Variants in SPATA7 observed in about 807,000 individuals in gnomAD.
SPATA7 encodes spermatogenesis-associated protein 7.
A neutral mutation model predicts 51.8 loss-of-function variants in SPATA7; 43 were observed. The observed-to-expected ratio is 0.83, with a 90% CI of 0.65 to 1.07. The LOEUF (loss-of-function observed/expected upper bound fraction) is 1.07. SPATA7 is among the 50% of genes least tolerant of loss of function. SPATA7 has a pLI of 0.00. For missense variants in SPATA7, 683 were observed against 701.3 expected (o/e 0.97, Z 0.30); for synonymous variants, 230 against 252.8 (o/e 0.91, Z 0.86).
chr14:88,424,349 T>C (rs912344262), intron 5 of SPATA7, among the ~76,000 whole-genome samples: 3 of 152,204 alleles, frequency 2.0e-5, no homozygotes, highest in Admixed American at 1.3e-4. Context: ...GTAGAAATTA[T>C]AAGATACAAA....
At chr14:88,463,472 C>T (rs748794290) in intron 4 of SPATA7, among the ~76,000 whole-genome samples, 1 of 152,166 alleles carries the variant, frequency 6.6e-6, no homozygotes, top group Non-Finnish European at 1.5e-5. Context: ...TATTTATTCT[C>T]TGATCTCACC....
intron 4 of SPATA7, chr14:88,468,839 C>T (rs1165019128): frequency 1.9e-6 from 3 of 1,573,816 alleles, no homozygotes; most frequent in Admixed American, 1.7e-5. Context: ...GCAAAAAGAG[C>T]TATTAAGTCA....
At chr14:88,401,221 A>G (rs918263044) in intron 4 of SPATA7, among the ~76,000 whole-genome samples, 1 of 152,236 alleles carries the variant, frequency 6.6e-6, no homozygotes, top group Admixed American at 6.5e-5. Flanking sequence ...GTGATATACC[A>G]CAGTAACATA....
chr14:88,454,765 G>GC (rs1158417966), intron 3 of SPATA7, among the ~76,000 whole-genome samples: 2 of 151,792 alleles, frequency 1.3e-5, no homozygotes, highest in African/African-American at 2.4e-5. Context: ...TTGTGATCAG[G>GC]CCACTTCACT....
At chr14:88,446,764 G>A (rs1310523997) in intron 3 of SPATA7, among the ~76,000 whole-genome samples, 2 of 152,146 alleles carry the variant, frequency 1.3e-5, no homozygotes, top group Admixed American at 6.5e-5. Flanking sequence ...TCAGGAGCAG[G>A]TTGTTCAGTT....
At chr14:88,402,976 A>AAC (rs1160333201) in intron 4 of SPATA7, among the ~76,000 whole-genome samples, 3 of 151,040 alleles carry the variant, frequency 2.0e-5, no homozygotes, top group Non-Finnish European at 4.4e-5. Flanking sequence ...AAAAAAAAAA[A>AAC]AAAAAAACCC....
At chr14:88,429,320 A>ACC (rs754930392) in intron 7 of SPATA7, 28 bp from the exon 8 acceptor site, 1 of 1,393,744 alleles carries the variant, frequency 7.2e-7, no homozygotes, top group Non-Finnish European at 1.0e-6. Context: ...TTAAGCAAAA[A>ACC]TAAATATTTT....
downstream of SPATA7, among the ~76,000 whole-genome samples, chr14:88,441,497 C>A (rs1015217486): frequency 2.6e-5 from 4 of 152,136 alleles, no homozygotes; most frequent in Non-Finnish European, 4.4e-5. Flanking sequence ...TCACCACATC[C>A]ACACCAATAT....
intron 4 of SPATA7, among the ~76,000 whole-genome samples, chr14:88,396,486 A>G (rs932986848): frequency 2.0e-5 from 3 of 152,070 alleles, no homozygotes; most frequent in Non-Finnish European, 2.9e-5. Flanking sequence ...TACTATCTCT[A>G]TGAATCTATT....
rs1277870379 is a variant in SPATA7 at position 88,469,750 on chromosome 14, T to A, written c.255-97T>A. The A allele has an allele frequency of 2.5e-6, 4 of 1,612,910 alleles. No individual in the cohort carries two copies. Among genetic ancestry groups the A allele is most frequent in the Non-Finnish European group, 3.4e-6 (4 of 1,179,018 alleles). On this transcript the variant is annotated intron_variant, in intron 4 of 4. Coordinates refer to the SPATA7 transcript ENST00000556406. The surrounding 1 kb of genome is among the most constrained non-coding windows in gnomAD (Gnocchi z 4.3). ...TCCACCCTCCTGTTAAAGATGAGCA[T>A]GGTTAAATGACTCGAGATCCGGCAA...
chr14:88,442,975 T>A (rs572040645), downstream of SPATA7, among the ~76,000 whole-genome samples: 44 of 149,182 alleles, frequency 2.9e-4, no homozygotes, highest in African/African-American at 1.1e-3. Context: ...AGAGTCTCGC[T>A]CTGTCACCTA....
chr14:88,411,948 C>G (rs1214998748), intron 4 of SPATA7, among the ~76,000 whole-genome samples: 1 of 152,146 alleles, frequency 6.6e-6, no homozygotes, highest in African/African-American at 2.4e-5. Context: ...GTGGCTCAGT[C>G]TTCAGCTTTC....
intron 4 of SPATA7, among the ~76,000 whole-genome samples, chr14:88,460,329 A>T (rs983411731): frequency 6.6e-6 from 1 of 152,132 alleles, no homozygotes; most frequent in Non-Finnish European, 1.5e-5. Flanking sequence ...CATTCTCCCC[A>T]TCACTTTCAG....
chr14:88,453,210 G>A (rs1467870089), intron 3 of SPATA7, among the ~76,000 whole-genome samples: 4 of 152,222 alleles, frequency 2.6e-5, no homozygotes, highest in African/African-American at 9.6e-5. Flanking sequence ...GAGGAAGATA[G>A]TTTGAGCTTA....
intron 4 of SPATA7, among the ~76,000 whole-genome samples, chr14:88,462,918 C>G (rs779445741): frequency 6.6e-6 from 1 of 152,050 alleles, no homozygotes; most frequent in Non-Finnish European, 1.5e-5. Context: ...AAGCATAACT[C>G]AAAAGTATAT....
intron 3 of SPATA7, among the ~76,000 whole-genome samples, chr14:88,452,259 C>T (rs1005879166): frequency 1.3e-5 from 2 of 152,166 alleles, no homozygotes; most frequent in African/African-American, 4.8e-5. Context: ...TGCAAAGAGT[C>T]CTGAGATGTG....
At chr14:88,418,824 A>G (rs73323524) in intron 5 of SPATA7, among the ~76,000 whole-genome samples, 5,372 of 152,132 alleles carry the variant, frequency 0.035, 312 homozygotes, top group African/African-American at 0.12. Context: ...ATTTAGAACT[A>G]TTTCTTAATC....
Position 88,438,024 on chromosome 14 carries a change from CAAA to C in SPATA7, c.1404_1406del (p.Lys469del), listed in dbSNP as rs778585385. 2.5e-6 allele frequency: 4 copies of C among 1,613,824 alleles called. No individual in the cohort carries two copies. Among genetic ancestry groups the C allele is most frequent in the Non-Finnish European group, 3.4e-6 (4 of 1,179,982 alleles). ...AATTCAGCAGGAACGTCAACAATAC[CAAA>C]AGGCTTTGGATATGTTATTGTCGGC... is the stretch of plus-strand genomic sequence containing the variant. On this transcript the variant is annotated inframe_deletion, in exon 12 of 12. Coordinates refer to ENST00000393545, the MANE Select transcript of SPATA7 (RefSeq NM_018418.5).
In SPATA7 at chr14:88,445,011, G is replaced by A. The variant is rs1206901055; in HGVS notation, c.177+7108G>A. Among the ~76,000 whole-genome samples the A allele has an allele frequency of 1.0e-3, 159 of 151,844 alleles. 2 individuals are homozygous for A. Among genetic ancestry groups the A allele is most frequent in the South Asian group, 4.4e-3 (21 of 4,806 alleles). On this transcript the variant is annotated intron_variant, in intron 3 of 3. Transcript: ENST00000554802. ...ATGAACTTTAAAGTAGTTTTTTCCA[G>A]TTCTGTGAAGAAAGTCATTGGTAGC... is the stretch of plus-strand genomic sequence containing the variant.
Sources: gnomAD v4.1 joint callset for allele counts (sites outside exome capture counted in the v4.1 genomes callset) on GRCh38, gnomAD v4.1.1 for gene constraint, Gnocchi (gnomAD v3.1) non-coding constraint, MANE v1.5 for transcripts, NCBI Gene and HGNC (gene_info 2026-07-23, HGNC 2026-07-21) for gene names.